The following SPIRE1 variants were observed in gnomAD, a reference collection of about 807,000 sequenced individuals.
SPIRE1 encodes the protein spire type actin nucleation factor 1.
A neutral mutation model predicts 94.1 loss-of-function variants in SPIRE1; 40 were observed. The ratio of observed to expected loss-of-function variants is 0.43; its 90% CI spans 0.33 to 0.55. The LOEUF is 0.55. Ranked by LOEUF, SPIRE1 falls within the 20% of genes least tolerant of loss-of-function variation. The pLI, the probability that SPIRE1 is intolerant of heterozygous loss-of-function variation, is 0.06. For missense variants in SPIRE1, 838 were observed against 975.2 expected, an observed-to-expected ratio of 0.86 and a Z score of 1.87; for synonymous variants, 376 against 371.7, an observed-to-expected ratio of 1.01 and a Z score of -0.13.
At chr18:12,550,632 G>A (rs2035321219) in intron 2 of SPIRE1, among the ~76,000 whole-genome samples, 1 of 152,106 alleles carries the variant, frequency 6.6e-6, no homozygotes, top group Non-Finnish European at 1.5e-5. Context: ...AAAGTGCTAG[G>A]ATTACAGACA....
rs2035146243 is a variant in SPIRE1, at chr18:12,545,829, T to G, written c.603+845A>C. ...AGAAAAAGGAAATACAGAGGTCAAC[T>G]GAAGATATAATGCCCAGTCAAGCTG... On this transcript the variant is annotated intron_variant, in intron 3 of 16. Coordinates refer to ENST00000409402, the MANE Select transcript of SPIRE1 (RefSeq NM_001128626.2). 2.0e-5 allele frequency among the ~76,000 whole-genome samples: 3 copies of G among 152,154 alleles called. No individual in the cohort carries two copies. In the South Asian group the frequency reaches 6.2e-4, roughly 32 times the overall value.
chr18:12,525,276 C>CAAAAAAAAAAAAAAA (rs1170791088), intron 4 of SPIRE1, among the ~76,000 whole-genome samples: 7 of 71,498 alleles, frequency 9.8e-5, no homozygotes, highest in African/African-American at 1.7e-4. Context: ...GACTCCGTCT[C>CAAAAAAAAAAAAAAA]AAAAAAAAAA....
intron 9 of SPIRE1, among the ~76,000 whole-genome samples, chr18:12,481,323 C>T (rs546276205): frequency 7.2e-6 from 1 of 139,486 alleles, no homozygotes; most frequent in South Asian, 2.5e-4. Flanking sequence ...GATATTCCCC[C>T]CTAGCAAGTA....
intron 4 of SPIRE1, among the ~76,000 whole-genome samples, chr18:12,514,900 T>C (rs943577677): frequency 3.3e-5 from 5 of 152,146 alleles, no homozygotes; most frequent in South Asian, 4.1e-4. Flanking sequence ...GTAATTATAG[T>C]ATTAAACAGG....
At chr18:12,496,509 G>A (rs2033463652) in intron 6 of SPIRE1, among the ~76,000 whole-genome samples, 1 of 151,982 alleles carries the variant, frequency 6.6e-6, no homozygotes. Context: ...CGAGGCAGGC[G>A]GAACCCCTGA....
At chr18:12,497,776 A>G (rs759911252) in intron 6 of SPIRE1, among the ~76,000 whole-genome samples, 1 of 152,196 alleles carries the variant, frequency 6.6e-6, no homozygotes, top group Non-Finnish European at 1.5e-5. Flanking sequence ...GTTTAATCAG[A>G]CTTTTCTATT....
At chr18:12,658,126 G>A (rs1378235457), upstream of SPIRE1, 3 of 959,466 alleles carry the variant, frequency 3.1e-6, no homozygotes, top group South Asian at 4.5e-5. Flanking sequence ...GCCCCGCCCC[G>A]CCCCGCCTCG....
chr18:12,509,639 A>G lies in SPIRE1; in HGVS notation c.807+2815T>C, dbSNP rs1336710994. ...TCAATAAATTAAGAATATTGCAAACAAGAAACAACCCAAATGACCAGCAAC... is the reference window on the plus strand; with the variant it reads ...TCAATAAATTAAGAATATTGCAAACGAGAAACAACCCAAATGACCAGCAAC... On this transcript the variant is annotated intron_variant, in intron 5 of 16. Coordinates refer to ENST00000409402, the MANE Select transcript of SPIRE1 (RefSeq NM_001128626.2). Among the ~76,000 whole-genome samples, 10 of 152,234 alleles carry G rather than the reference A, an allele frequency of 6.6e-5. No homozygotes were observed. The East Asian group carries it at 1.7e-3, about 26-fold the overall frequency.
intron 12 of SPIRE1, among the ~76,000 whole-genome samples, chr18:12,459,381 G>T (rs1290713243): frequency 1.3e-5 from 2 of 152,216 alleles, no homozygotes; most frequent in Non-Finnish European, 2.9e-5. Flanking sequence ...TCTGCTCACG[G>T]AATGAGTGAG....
At chr18:12,532,029 A>G (rs1284020443) in intron 4 of SPIRE1, among the ~76,000 whole-genome samples, 5 of 152,162 alleles carry the variant, frequency 3.3e-5, no homozygotes, top group African/African-American at 9.7e-5. Flanking sequence ...CAAGGATATC[A>G]AATTTCTTAG....
chr18:12,494,521 G>C (rs1417435312), intron 7 of SPIRE1, among the ~76,000 whole-genome samples: 2 of 151,878 alleles, frequency 1.3e-5, no homozygotes, highest in African/African-American at 4.8e-5. Context: ...TTCATCTTCA[G>C]AGTAAAAAGC....
In SPIRE1 at chr18:12,453,215, T is replaced by C. The variant is rs912981607; in HGVS notation, c.1777-77A>G. The C allele has an allele frequency of 4.7e-5, 44 of 927,028 alleles. 1 individual carries two copies. The Middle Eastern group carries it at 1.9e-3, about 40-fold the overall frequency. 57.4% of individuals were successfully genotyped at this position (927,028 alleles called of 1,614,324 possible). On this transcript the variant is annotated intron_variant, in intron 13 of 16. Coordinates refer to ENST00000409402, the MANE Select transcript of SPIRE1 (RefSeq NM_001128626.2). Reference sequence around the variant, plus strand: ...CTAATATCCATGTTTGAATATGCTTTACATCTATATATAGGGGAAGCTGAA... The same window carrying C: ...CTAATATCCATGTTTGAATATGCTTCACATCTATATATAGGGGAAGCTGAA...
chr18:12,653,485 CT>C (rs771038675), intron 1 of SPIRE1: 20 of 152,214 alleles, frequency 1.3e-4, no homozygotes, highest in Non-Finnish European at 2.2e-4. Context: ...GAAGGCTAGA[CT>C]CAGGGTGATT....
chr18:12,582,894 A>C (rs1324637390), intron 2 of SPIRE1, among the ~76,000 whole-genome samples: 2 of 152,202 alleles, frequency 1.3e-5, no homozygotes, highest in Non-Finnish European at 2.9e-5. Flanking sequence ...GGAAATAGAC[A>C]GTCTGGACTC....
Position 12,476,556 on chromosome 18 carries a change from AAAAAAAAAATATAT to A in SPIRE1, c.1404+3129_1404+3142del, listed in dbSNP as rs1362867852. ...ACTCTGTCTCCAAAAAAAAAAAAAA[AAAAAAAAAATATAT>A]ATATATATATATATATATACACACA... On this transcript the variant is annotated intron_variant, in intron 10 of 16. Coordinates refer to ENST00000409402, the MANE Select transcript of SPIRE1 (RefSeq NM_001128626.2). Among the ~76,000 whole-genome samples the A allele has an allele frequency of 2.9e-3, 247 of 85,306 alleles. 1 individual carries two copies. The highest frequency in any genetic ancestry group is 0.016 in the African/African-American group (234 of 14,978). 56.0% of individuals were successfully genotyped at this position (85,306 alleles called of 152,430 possible).
chr18:12,534,879 T>C (rs1051151704), intron 4 of SPIRE1, among the ~76,000 whole-genome samples: 3 of 152,212 alleles, frequency 2.0e-5, no homozygotes, highest in African/African-American at 4.8e-5. Context: ...CCTATATGTC[T>C]ATATATCCCA....
rs902336286 is a variant in SPIRE1, at chr18:12,655,962, G to A, written c.337+1568C>T. On this transcript the variant is annotated intron_variant, in intron 1 of 16. Coordinates refer to ENST00000409402, the MANE Select transcript of SPIRE1 (RefSeq NM_001128626.2). The stretch of plus-strand genomic sequence containing the variant: ...CACCCAGGCTGGAGTGCAGTGGCGC[G>A]ATCTCAGCTCACTACAGCCTCCACC... Among the ~76,000 whole-genome samples the A allele has an allele frequency of 2.0e-5, 3 of 152,018 alleles. 1 individual carries two copies. The highest frequency in any genetic ancestry group is 3.9e-4 in the East Asian group (2 of 5,194).
At chr18:12,502,058 C>T (rs1315819800) in intron 6 of SPIRE1, among the ~76,000 whole-genome samples, 1 of 152,180 alleles carries the variant, frequency 6.6e-6, no homozygotes, top group East Asian at 1.9e-4. Context: ...CTTTGTCATT[C>T]TATCACACAC....
At chr18:12,466,810 A>G (rs1179286257) in intron 10 of SPIRE1, among the ~76,000 whole-genome samples, 1 of 152,168 alleles carries the variant, frequency 6.6e-6, no homozygotes, top group Non-Finnish European at 1.5e-5. Flanking sequence ...CCATCAACCC[A>G]TCACATAGGT....
Sources: gnomAD v4.1 joint callset for allele counts (sites outside exome capture counted in the v4.1 genomes callset) on GRCh38, gnomAD v4.1.1 for gene constraint, MANE v1.5 for transcripts, NCBI Gene and HGNC (gene_info 2026-07-23, HGNC 2026-07-21) for gene names.